Variants in SEMA5A observed in about 807,000 individuals in gnomAD.
SEMA5A encodes the protein semaphorin 5A.
In SEMA5A, 55 loss-of-function variants were observed where a neutral mutation model predicts 135.5. That is an observed-to-expected ratio of 0.41 (90% CI 0.33 to 0.51). SEMA5A has a LOEUF of 0.51. Among genes scored for constraint, SEMA5A ranks in the 20% least tolerant of loss-of-function variants. SEMA5A has a pLI of 0.37. For missense variants in SEMA5A, 1,290 were observed against 1,419.9 expected (o/e 0.91, Z 1.47); for synonymous variants, 580 against 546.5 (o/e 1.06, Z -0.85).
At chr5:9,201,739 C>A (rs1745714361) in intron 9 of SEMA5A, among the ~76,000 whole-genome samples, 1 of 152,154 alleles carries the variant, frequency 6.6e-6, no homozygotes, top group African/African-American at 2.4e-5. Context: ...CAAAAACTTT[C>A]TTGATTTGGC....
intron 1 of SEMA5A, among the ~76,000 whole-genome samples, chr5:9,476,578 A>G (rs958632871): frequency 6.6e-6 from 1 of 152,124 alleles, no homozygotes; most frequent in Admixed American, 6.5e-5. Context: ...CATGATTCCC[A>G]TCCACACAGA....
rs1204266521 is a variant in SEMA5A, at chr5:9,353,189, GGGAAAGGAAAGGAAA to G, written c.125-15392_125-15378del. On this transcript the variant is annotated intron_variant, in intron 3 of 22. Coordinates refer to ENST00000382496, the MANE Select transcript of SEMA5A (RefSeq NM_003966.3). ...GGGAAAGGAAGGGAAAGGAAGGGAA[GGGAAAGGAAAGGAAA>G]GGAAAGGAAAGGAAAGGAAAGGAAA... Among the ~76,000 whole-genome samples, 16 of 16,730 alleles carry G rather than the reference GGGAAAGGAAAGGAAA, an allele frequency of 9.6e-4. No homozygotes were observed. The East Asian group carries it at 0.012, about 12-fold the overall frequency. 11.0% of individuals were successfully genotyped at this position (16,730 alleles called of 152,430 possible).
At chr5:9,365,904 T>C (rs1270400099) in intron 3 of SEMA5A, among the ~76,000 whole-genome samples, 1 of 152,188 alleles carries the variant, frequency 6.6e-6, no homozygotes, top group Non-Finnish European at 1.5e-5. Context: ...GTGAGGATTA[T>C]TGAGCAAAAT....
At chr5:9,434,653 T>C (rs1330724683) in intron 2 of SEMA5A, among the ~76,000 whole-genome samples, 1 of 152,172 alleles carries the variant, frequency 6.6e-6, no homozygotes, top group African/African-American at 2.4e-5. Flanking sequence ...TTAAATATAT[T>C]ATTCTGCAAT....
intron 5 of SEMA5A, among the ~76,000 whole-genome samples, chr5:9,294,507 T>A (rs1751237828): frequency 6.6e-6 from 1 of 152,232 alleles, no homozygotes. Context: ...GCCTCTTTCA[T>A]GTCAACACCT....
intron 1 of SEMA5A, among the ~76,000 whole-genome samples, chr5:9,524,959 G>A (rs1737046866): frequency 1.3e-5 from 2 of 152,126 alleles, no homozygotes. Flanking sequence ...ATAAAAAAGA[G>A]AGAGAGGAAA....
At chr5:9,397,372 G>A (rs1756452467) in intron 2 of SEMA5A, among the ~76,000 whole-genome samples, 1 of 152,344 alleles carries the variant, frequency 6.6e-6, no homozygotes, top group East Asian at 1.9e-4. Context: ...CTTCCTGGTT[G>A]TGTGTTCTGT....
chr5:9,357,567 G>A (rs1033576749), intron 3 of SEMA5A, among the ~76,000 whole-genome samples: 1 of 152,202 alleles, frequency 6.6e-6, no homozygotes, highest in Non-Finnish European at 1.5e-5. Flanking sequence ...TACCCAGGGA[G>A]AGGAGATCCT....
intron 1 of SEMA5A, among the ~76,000 whole-genome samples, chr5:9,543,171 G>T (rs140784003): frequency 6.6e-5 from 10 of 152,178 alleles, no homozygotes; most frequent in Non-Finnish European, 1.0e-4. Context: ...ACAGAGAAAG[G>T]CTTGTTGGTT....
intron 19 of SEMA5A, among the ~76,000 whole-genome samples, chr5:9,053,488 G>A (rs555438503): frequency 1.3e-5 from 2 of 152,128 alleles, no homozygotes; most frequent in South Asian, 2.1e-4. Flanking sequence ...ACAGCCCATC[G>A]ACCATGGATG....
rs1735932103 is a variant in SEMA5A, at chr5:9,040,967, C to T, written c.*1930G>A. 6.6e-6 allele frequency: 1 copy of T among 152,158 alleles called. No homozygotes were observed. The highest frequency in any genetic ancestry group is 1.5e-5 in the Non-Finnish European group (1 of 68,038). The allele number at this position is 152,158 out of a possible 1,614,324, so 9.4% of individuals were successfully genotyped here. ...ATCCAGCCGAGGAACAATTGGAGAACCATCCGGCTAGATTTCCCCTACTGA... is the reference window on the plus strand; with the variant it reads ...ATCCAGCCGAGGAACAATTGGAGAATCATCCGGCTAGATTTCCCCTACTGA... On this transcript the variant is annotated 3_prime_UTR_variant, in exon 23 of 23. Coordinates refer to ENST00000382496, the MANE Select transcript of SEMA5A (RefSeq NM_003966.3).
At chr5:9,120,187 G>T (rs778458566) in intron 14 of SEMA5A, among the ~76,000 whole-genome samples, 8 of 151,880 alleles carry the variant, frequency 5.3e-5, no homozygotes, top group Admixed American at 2.6e-4. Flanking sequence ...AATCACATAT[G>T]CATTTCTTTG....
chr5:9,378,383 A>G (rs1205721), intron 3 of SEMA5A, among the ~76,000 whole-genome samples: 67,968 of 151,964 alleles, frequency 0.45, 15,561 homozygotes, highest in Middle Eastern at 0.52. Flanking sequence ...TTGTACCCAC[A>G]GATGAATCAG....
chr5:9,138,550 T>C (rs1481749374), intron 12 of SEMA5A, among the ~76,000 whole-genome samples: 1 of 152,258 alleles, frequency 6.6e-6, no homozygotes, highest in African/African-American at 2.4e-5. Flanking sequence ...GCTCCATTTC[T>C]TTGATGAACC....
At chr5:9,090,120 C>T (rs1420239816) in intron 16 of SEMA5A, among the ~76,000 whole-genome samples, 2 of 152,112 alleles carry the variant, frequency 1.3e-5, no homozygotes, top group South Asian at 2.1e-4. Context: ...TGTGTGAGAG[C>T]GTGGAAATTC....
At chr5:9,085,687 G>C (rs552939953) in intron 16 of SEMA5A, among the ~76,000 whole-genome samples, 1 of 152,238 alleles carries the variant, frequency 6.6e-6, no homozygotes, top group Admixed American at 6.5e-5. Flanking sequence ...GGGCAGTTCA[G>C]AAGGGAAATG....
chr5:9,118,207 A>T (rs1319510804), intron 15 of SEMA5A, among the ~76,000 whole-genome samples: 3 of 152,242 alleles, frequency 2.0e-5, no homozygotes, highest in African/African-American at 4.8e-5. Flanking sequence ...CAATAAGTTT[A>T]TATTAGTATA....
chr5:9,161,460 T>C (rs1233604414), intron 11 of SEMA5A, among the ~76,000 whole-genome samples: 1 of 152,252 alleles, frequency 6.6e-6, no homozygotes, highest in Non-Finnish European at 1.5e-5. Flanking sequence ...TTATATATTT[T>C]ACTTAACCCA....
chr5:9,308,892 A>G (rs1280975218), intron 5 of SEMA5A, among the ~76,000 whole-genome samples: 1 of 152,160 alleles, frequency 6.6e-6, no homozygotes, highest in African/African-American at 2.4e-5. Context: ...GAACAGAGTA[A>G]GGGCAGGATG....
Sources: gnomAD v4.1 joint callset for allele counts (sites outside exome capture counted in the v4.1 genomes callset) on GRCh38, gnomAD v4.1.1 for gene constraint, MANE v1.5 for transcripts, NCBI Gene and HGNC (gene_info 2026-07-23, HGNC 2026-07-21) for gene names.